LRBA: variants seen among roughly 807,000 people sequenced by gnomAD.
LRBA encodes lipopolysaccharide-responsive and beige-like anchor protein.
Under a neutral mutation model 330.0 loss-of-function variants are expected in LRBA, and 176 were observed. That is an observed-to-expected ratio of 0.53 (90% CI 0.47 to 0.60). The LOEUF (loss-of-function observed/expected upper bound fraction) is 0.60. Among genes scored for constraint, LRBA ranks in the 20% least tolerant of loss-of-function variants. The pLI is 0.00. For missense variants in LRBA, 3,259 were observed against 3,444.8 expected, an observed-to-expected ratio of 0.95 and a Z score of 1.35; for synonymous variants, 1,230 against 1,193.0, an observed-to-expected ratio of 1.03 and a Z score of -0.64.
intron 2 of LRBA, among the ~76,000 whole-genome samples, chr4:150,953,634 G>T (rs1291043271): frequency 6.6e-6 from 1 of 152,124 alleles, no homozygotes; most frequent in Non-Finnish European, 1.5e-5. Context: ...GAGGTGCCGG[G>T]ATTGCAGACA....
intron 40 of LRBA, among the ~76,000 whole-genome samples, chr4:150,577,273 C>T (rs989594795): frequency 2.6e-5 from 4 of 151,884 alleles, no homozygotes; most frequent in Admixed American, 2.0e-4. Flanking sequence ...AAAATTTCAT[C>T]AACTAGAATA....
intron 42 of LRBA, among the ~76,000 whole-genome samples, chr4:150,475,621 G>A (rs984765458): frequency 6.6e-6 from 1 of 152,002 alleles, no homozygotes; most frequent in Non-Finnish European, 1.5e-5. Context: ...CTCAGGCTGG[G>A]CTTGGTGGTT....
chr4:150,584,230 C>A, intron 40 of LRBA: 2 of 1,135,736 alleles, frequency 1.8e-6, no homozygotes, highest in South Asian at 2.9e-5. Context: ...AAATAGGAAT[C>A]CGGCAGAAGA....
chr4:150,671,000 ATGTGTGTGTGTGTGTGTGTGTG>A (rs57937053), intron 37 of LRBA, among the ~76,000 whole-genome samples: 1 of 106,828 alleles, frequency 9.4e-6, no homozygotes, highest in Non-Finnish European at 1.8e-5. Flanking sequence ...AACATAGCTG[ATGTGTGTGTGTGTGTGTGTGTG>A]TGTGTGTGTG....
At chr4:151,011,615 A>G (rs1310838127) in intron 2 of LRBA, among the ~76,000 whole-genome samples, 2 of 151,994 alleles carry the variant, frequency 1.3e-5, no homozygotes, top group African/African-American at 4.8e-5. Flanking sequence ...AAAAAAAAAA[A>G]AAAGACTAAC....
intron 47 of LRBA, among the ~76,000 whole-genome samples, chr4:150,353,278 G>C (rs142600543): frequency 6.6e-6 from 1 of 151,934 alleles, no homozygotes; most frequent in Non-Finnish European, 1.5e-5. Context: ...AATAAAAAAC[G>C]TGTAGTTCAT....
At chr4:150,610,054 T>C (rs1010655286) in intron 37 of LRBA, among the ~76,000 whole-genome samples, 3 of 151,950 alleles carry the variant, frequency 2.0e-5, no homozygotes, top group Non-Finnish European at 4.4e-5. Context: ...TGATTGTTTG[T>C]TTTTTTTCTA....
At chr4:150,398,109 G>T (rs1486065678) in intron 47 of LRBA, among the ~76,000 whole-genome samples, 1 of 152,170 alleles carries the variant, frequency 6.6e-6, no homozygotes. Context: ...ATCCTGGCAA[G>T]AGTTTTTCTC....
intron 2 of LRBA, among the ~76,000 whole-genome samples, chr4:150,973,848 G>C (rs951757712): frequency 6.6e-6 from 1 of 152,114 alleles, no homozygotes; most frequent in African/African-American, 2.4e-5. Flanking sequence ...AAAAGCAAAA[G>C]AAACTTGAGC....
intron 5 of LRBA, among the ~76,000 whole-genome samples, chr4:150,916,970 G>C (rs1031232289): frequency 2.0e-5 from 3 of 152,032 alleles, no homozygotes; most frequent in Non-Finnish European, 4.4e-5. Flanking sequence ...TGGCTAACAC[G>C]GTGAAACCCC....
At chr4:150,466,875 T>C (rs1458660231) in intron 44 of LRBA, among the ~76,000 whole-genome samples, 1 of 152,072 alleles carries the variant, frequency 6.6e-6, no homozygotes, top group Non-Finnish European at 1.5e-5. Flanking sequence ...AAAAAAGGGA[T>C]AGAAATAATG....
chr4:150,353,066 T>C lies in LRBA; in HGVS notation c.7195-2907A>G, dbSNP rs182445266. Among the ~76,000 whole-genome samples the C allele has an allele frequency of 1.4e-3, 220 of 152,298 alleles. 2 individuals are homozygous for C. The highest frequency in any genetic ancestry group is 2.5e-3 in the Non-Finnish European group (171 of 68,014). ...TTTCAATCAGGGAAGGACCTATGCA[T>C]ATCTTCAGGCTTACATCCTTTTTGG... On this transcript the variant is annotated intron_variant, in intron 47 of 56. Transcript: ENST00000651943.
At chr4:150,782,398 CTG>C (rs1448442651) in intron 34 of LRBA, among the ~76,000 whole-genome samples, 5 of 152,222 alleles carry the variant, frequency 3.3e-5, no homozygotes, top group Non-Finnish European at 5.9e-5. Flanking sequence ...GGCCAGAAGT[CTG>C]AAATCAGTTT....
chr4:150,616,104 T>G (rs1050075856), intron 37 of LRBA, among the ~76,000 whole-genome samples: 3 of 152,162 alleles, frequency 2.0e-5, no homozygotes, highest in South Asian at 4.1e-4. Flanking sequence ...CTGCCCAAAC[T>G]AACACAGATA....
intron 2 of LRBA, among the ~76,000 whole-genome samples, chr4:150,975,517 CTG>C (rs1198914482): frequency 7.0e-6 from 1 of 143,036 alleles, no homozygotes; most frequent in Non-Finnish European, 1.5e-5. Flanking sequence ...CAGAGTGAGA[CTG>C]TGAGACTCTA....
chr4:150,331,562 T>A (rs1734006585), intron 48 of LRBA, among the ~76,000 whole-genome samples: 1 of 152,212 alleles, frequency 6.6e-6, no homozygotes, highest in Non-Finnish European at 1.5e-5. Context: ...ATCTAGACAA[T>A]GTCCTAGATA....
chr4:150,885,053 T>C (rs758854549), intron 17 of LRBA, among the ~76,000 whole-genome samples: 12 of 151,936 alleles, frequency 7.9e-5, no homozygotes, highest in Non-Finnish European at 1.5e-4. Context: ...GAGACTCAGA[T>C]GGCAAATAAA....
chr4:150,497,522 TTA>T (rs1283433526), intron 40 of LRBA, among the ~76,000 whole-genome samples: 1 of 152,174 alleles, frequency 6.6e-6, no homozygotes. Flanking sequence ...TCATGTGTTG[TTA>T]TTTAATTTTT....
At chr4:150,352,359 A>C (rs561476959) in intron 47 of LRBA, among the ~76,000 whole-genome samples, 1 of 152,346 alleles carries the variant, frequency 6.6e-6, no homozygotes, top group South Asian at 2.1e-4. Context: ...AATACAAAAA[A>C]AATTTCCTTT....
Sources: allele counts gnomAD v4.1 joint callset (sites outside exome capture counted in the v4.1 genomes callset), GRCh38; gene constraint gnomAD v4.1.1; transcripts MANE v1.5; gene names NCBI Gene and HGNC (gene_info 2026-07-23, HGNC 2026-07-21).